The following VPS8 variants were observed in gnomAD, a reference collection of about 807,000 sequenced individuals.
VPS8 encodes VPS8 subunit of CORVET complex.
In VPS8, 129 loss-of-function variants were observed where a neutral mutation model predicts 216.4. The ratio of observed to expected loss-of-function variants is 0.60; its 90% CI spans 0.52 to 0.69. VPS8 has a LOEUF of 0.69. Ranked by LOEUF, VPS8 falls within the 30% of genes least tolerant of loss-of-function variation. VPS8 has a pLI of 0.00. For synonymous variants in VPS8, 571 were observed against 565.4 expected (o/e 1.01, Z -0.14); for missense variants, 1,531 against 1,683.5 (o/e 0.91, Z 1.59).
intron 1 of VPS8, among the ~76,000 whole-genome samples, chr3:184,821,187 A>G (rs2108490173): frequency 6.6e-6 from 1 of 152,314 alleles, no homozygotes; most frequent in East Asian, 1.9e-4. Flanking sequence ...TTGCATTTAT[A>G]AGAGCCAGGA....
At chr3:184,928,792 ATTAT>A (rs892302149) in intron 32 of VPS8, among the ~76,000 whole-genome samples, 2 of 152,104 alleles carry the variant, frequency 1.3e-5, no homozygotes, top group Non-Finnish European at 2.9e-5. Context: ...ATGATGTTTT[ATTAT>A]TTTAGATTTT....
At chr3:185,024,523 T>C in intron 46 of VPS8, 134 bp downstream of exon 46, 1 of 1,033,870 alleles carries the variant, frequency 9.7e-7, no homozygotes, top group Non-Finnish European at 1.4e-6. Flanking sequence ...GATTAGATGC[T>C]TTAATGACAT....
intron 31 of VPS8, among the ~76,000 whole-genome samples, chr3:184,927,090 T>C (rs1739795153): frequency 6.6e-6 from 1 of 152,196 alleles, no homozygotes; most frequent in Admixed American, 6.5e-5. Context: ...TTCTGGAGAC[T>C]AGAATCCACC....
At chr3:185,017,690 C>G (rs990174639) in intron 45 of VPS8, among the ~76,000 whole-genome samples, 1 of 152,198 alleles carries the variant, frequency 6.6e-6, no homozygotes, top group Non-Finnish European at 1.5e-5. Context: ...GGACCTTTTG[C>G]GGGGGTTCCC....
chr3:185,052,094 CTGG>C lies in VPS8; in HGVS notation c.*73_*75del. On this transcript the variant is annotated 3_prime_UTR_variant, in exon 48 of 48. Coordinates refer to ENST00000625842, the MANE Select transcript of VPS8 (RefSeq NM_001009921.3). ...AGGCAGCTGGGGAGAGGCCCCGCCT[CTGG>C]TGGGCTTGGCCTCCACCACCTCCCA... The C allele has an allele frequency of 6.6e-7, 1 of 1,506,868 alleles. No individual in the cohort carries two copies. The highest frequency in any genetic ancestry group is 1.3e-5 in the South Asian group (1 of 76,008). The allele number at this position is 1,506,868 out of a possible 1,614,324, so 93.3% of individuals were successfully genotyped here. A position where few individuals can be genotyped will look rare whatever the true frequency, so the allele number is the denominator to read the frequency against.
intron 39 of VPS8, among the ~76,000 whole-genome samples, chr3:184,969,971 G>A (rs570934418): frequency 4.9e-5 from 7 of 142,464 alleles, no homozygotes; most frequent in African/African-American, 1.6e-4. Context: ...GTGCAGTGGC[G>A]CTGTCTCAGC....
chr3:185,049,265 C>G (rs1713649579), intron 47 of VPS8, among the ~76,000 whole-genome samples: 1 of 152,210 alleles, frequency 6.6e-6, no homozygotes, highest in Non-Finnish European at 1.5e-5. Flanking sequence ...CTATCAGTCA[C>G]TGCCACCACA....
intron 46 of VPS8, among the ~76,000 whole-genome samples, chr3:185,040,492 C>T (rs1289452093): frequency 6.6e-6 from 1 of 152,142 alleles, no homozygotes; most frequent in Admixed American, 6.5e-5. Flanking sequence ...GGTCCTGAAT[C>T]TCCAGCCCTT....
At chr3:184,974,062 A>T (rs932856927) in intron 40 of VPS8, among the ~76,000 whole-genome samples, 1 of 152,168 alleles carries the variant, frequency 6.6e-6, no homozygotes, top group African/African-American at 2.4e-5. Flanking sequence ...TTAGATAAAT[A>T]CCCAGTAGTA....
intron 5 of VPS8, chr3:184,836,323 A>T (rs1266261525): frequency 4.4e-6 from 2 of 456,698 alleles, no homozygotes; most frequent in South Asian, 1.5e-5. Flanking sequence ...TCTGAATTTA[A>T]TCCTTATGTA....
intron 37 of VPS8, 40 bp downstream of exon 37, chr3:184,957,561 C>A (rs1300456915): frequency 1.9e-6 from 3 of 1,550,772 alleles, no homozygotes; most frequent in East Asian, 2.3e-5. Context: ...GTAAACTCTT[C>A]TTAACATTCT....
In VPS8 at chr3:184,944,865, T is replaced by G. The variant is rs561169326; in HGVS notation, c.3035+4622T>G. Among the ~76,000 whole-genome samples, 13 of 152,324 alleles carry G rather than the reference T, an allele frequency of 8.5e-5. No homozygotes were observed. In the South Asian group the frequency reaches 2.5e-3, roughly 29 times the overall value. ...TTTTAGTTGAATCTGTCAGTGTTGC[T>G]GTGGATATTTTTGAAGGGACATTTT... On this transcript the variant is annotated intron_variant, in intron 36 of 47. Transcript: ENST00000625842.
chr3:184,952,009 G>T (rs945258372), intron 36 of VPS8, among the ~76,000 whole-genome samples: 3 of 152,184 alleles, frequency 2.0e-5, no homozygotes, highest in African/African-American at 7.2e-5. Context: ...TTTCTGGAAA[G>T]AATTAAGTAC....
chr3:184,841,689 G>C (rs1722169608), intron 7 of VPS8, among the ~76,000 whole-genome samples: 1 of 152,114 alleles, frequency 6.6e-6, no homozygotes, highest in African/African-American at 2.4e-5. Flanking sequence ...TCAGAATGGT[G>C]GTCTTCCTGT....
chr3:184,908,251 G>C (rs1191921426), intron 25 of VPS8, among the ~76,000 whole-genome samples: 2 of 152,200 alleles, frequency 1.3e-5, no homozygotes, highest in African/African-American at 4.8e-5. Flanking sequence ...AATTCGCTGA[G>C]GATGGGGCAT....
chr3:184,925,935 G>A (rs927565547), intron 30 of VPS8, among the ~76,000 whole-genome samples: 2 of 150,864 alleles, frequency 1.3e-5, no homozygotes, highest in African/African-American at 4.9e-5. Flanking sequence ...CACCACGCCC[G>A]GCTAATTTCT....
chr3:185,016,943 T>C (rs1755883157), intron 45 of VPS8, among the ~76,000 whole-genome samples: 1 of 152,022 alleles, frequency 6.6e-6, no homozygotes, highest in Non-Finnish European at 1.5e-5. Context: ...AGAAATGATA[T>C]CCTAAACTTT....
intron 45 of VPS8, among the ~76,000 whole-genome samples, chr3:185,014,139 T>G (rs1313966028): frequency 6.6e-6 from 1 of 152,240 alleles, no homozygotes; most frequent in Non-Finnish European, 1.5e-5. Flanking sequence ...AATTGTTCTC[T>G]GTGTCAGCCC....
intron 16 of VPS8, among the ~76,000 whole-genome samples, chr3:184,866,490 C>G (rs2108756134): frequency 6.6e-6 from 1 of 152,276 alleles, no homozygotes; most frequent in East Asian, 1.9e-4. Context: ...AACAACTGTA[C>G]ATTTACTAAA....
Sources: gnomAD v4.1 joint callset for allele counts (sites outside exome capture counted in the v4.1 genomes callset) on GRCh38, gnomAD v4.1.1 for gene constraint, MANE v1.5 for transcripts, NCBI Gene and HGNC (gene_info 2026-07-23, HGNC 2026-07-21) for gene names.